The following JAKMIP1 variants were observed in gnomAD, a reference collection of about 807,000 sequenced individuals.
The protein encoded by JAKMIP1 is janus kinase and microtubule interacting protein 1.
In JAKMIP1, 33 loss-of-function variants were observed where a neutral mutation model predicts 113.0. The ratio of observed to expected loss-of-function variants is 0.29; its 90% CI spans 0.22 to 0.39. The LOEUF is 0.39. JAKMIP1 is among the 10% of genes least tolerant of loss of function. The pLI, the probability that JAKMIP1 is intolerant of heterozygous loss-of-function variation, is 1.00. For missense variants in JAKMIP1, 813 were observed against 1,080.5 expected (o/e 0.75, Z 3.47); for synonymous variants, 480 against 459.9 (o/e 1.04, Z -0.56).
At chr4:6,036,142 C>A in intron 18 of JAKMIP1, 35 bp from the exon 19 acceptor site, 2 of 1,479,914 alleles carry the variant, frequency 1.4e-6, no homozygotes. Flanking sequence ...AGAGGAAGGT[C>A]ACAAGGAGGT....
At chr4:6,148,755 G>A (rs1170202817) in intron 1 of JAKMIP1, among the ~76,000 whole-genome samples, 3 of 152,228 alleles carry the variant, frequency 2.0e-5, no homozygotes, top group Non-Finnish European at 4.4e-5. Context: ...CATCACACCC[G>A]AGGCTGCAAG....
At chr4:6,098,036 G>A (rs570637791) in intron 3 of JAKMIP1, among the ~76,000 whole-genome samples, 2 of 152,318 alleles carry the variant, frequency 1.3e-5, no homozygotes, top group East Asian at 1.9e-4. Context: ...TTTGGAGTTC[G>A]AGAACATGGT....
In JAKMIP1 at chr4:6,188,682, T is replaced by A. The variant is rs1726901409; in HGVS notation, c.-148+11571A>T. Among the ~76,000 whole-genome samples the A allele has an allele frequency of 1.3e-5, 2 of 152,210 alleles. No individual in the cohort carries two copies. Among genetic ancestry groups the A allele is most frequent in the African/African-American group, 2.4e-5 (1 of 41,456 alleles). On this transcript the variant is annotated intron_variant, in intron 1 of 20. Transcript: ENST00000409021. The surrounding 1 kb of genome is among the most constrained non-coding windows in gnomAD (Gnocchi z 5.8). ...GCACCTGCATCCCTCCCCCATCTTCTGGCTAGAGCACCCCAATTTTTAATA... is the reference window on the plus strand; with the variant it reads ...GCACCTGCATCCCTCCCCCATCTTCAGGCTAGAGCACCCCAATTTTTAATA...
intron 1 of JAKMIP1, among the ~76,000 whole-genome samples, chr4:6,125,645 A>C (rs1451053131): frequency 6.8e-6 from 1 of 146,446 alleles, no homozygotes; most frequent in Non-Finnish European, 1.5e-5. Context: ...CACACCATAC[A>C]CACCATGCAG....
At position 6,140,425 on chromosome 4, in the gene JAKMIP1, C is replaced by T. The variant is rs1029270420; in HGVS notation, c.-147-27428G>A. 6.6e-6 allele frequency among the ~76,000 whole-genome samples: 1 copy of T among 152,018 alleles called. No homozygotes were observed. The highest frequency in any genetic ancestry group is 2.4e-5 in the African/African-American group (1 of 41,328). On this transcript the variant is annotated intron_variant, in intron 1 of 20. Coordinates refer to ENST00000409021, the MANE Select transcript of JAKMIP1 (RefSeq NM_001099433.2). The surrounding 1 kb of genome is among the most constrained non-coding windows in gnomAD (Gnocchi z 9.4). The stretch of plus-strand genomic sequence containing the variant: ...TTCCCCCAAAAGGCCCACCACAGAC[C>T]CACCCCAGGAGTGTGTGCTCAGGTC...
intron 11 of JAKMIP1, among the ~76,000 whole-genome samples, chr4:6,056,997 A>G (rs1716563833): frequency 6.6e-6 from 1 of 152,118 alleles, no homozygotes; most frequent in Admixed American, 6.5e-5. Flanking sequence ...CAATGACTCC[A>G]TTCTGTCCGT....
chr4:6,066,351 G>A (rs771035170), intron 8 of JAKMIP1, among the ~76,000 whole-genome samples: 1 of 152,144 alleles, frequency 6.6e-6, no homozygotes, highest in Non-Finnish European at 1.5e-5. Flanking sequence ...TTCTGAAGGT[G>A]CTGCAAGGGA....
chr4:6,169,779 A>C (rs1249093270), intron 1 of JAKMIP1, among the ~76,000 whole-genome samples: 2 of 151,946 alleles, frequency 1.3e-5, no homozygotes, highest in Non-Finnish European at 2.9e-5. Flanking sequence ...CTTGTGCCTC[A>C]GATGCCCCAC....
chr4:6,131,379 A>G (rs977364338), intron 1 of JAKMIP1, among the ~76,000 whole-genome samples: 1 of 151,664 alleles, frequency 6.6e-6, no homozygotes, highest in Non-Finnish European at 1.5e-5. Context: ...AAAAAAAAAA[A>G]AACAAAACCC....
Position 6,137,736 on chromosome 4 carries a change from T to C in JAKMIP1, c.-147-24739A>G, listed in dbSNP as rs1479201383. On this transcript the variant is annotated intron_variant, in intron 1 of 20. Coordinates refer to ENST00000409021, the MANE Select transcript of JAKMIP1 (RefSeq NM_001099433.2). The surrounding 1 kb of genome is among the most constrained non-coding windows in gnomAD (Gnocchi z 4.5). ...TCTGCACATCACTTAGGTTCCATCA[T>C]TCATTCAATTCATCAGTCCTTCAAT... is the stretch of plus-strand genomic sequence containing the variant. Among the ~76,000 whole-genome samples the C allele has an allele frequency of 1.3e-5, 2 of 152,246 alleles. No individual in the cohort carries two copies. The highest frequency in any genetic ancestry group is 6.5e-5 in the Admixed American group (1 of 15,288).
At chr4:6,045,506 C>T (rs1714870336) in intron 16 of JAKMIP1, among the ~76,000 whole-genome samples, 2 of 152,326 alleles carry the variant, frequency 1.3e-5, no homozygotes, top group Non-Finnish European at 1.5e-5. Context: ...GGGCAAGATG[C>T]TGTTTGTAGC....
rs996367071 is a variant in JAKMIP1, at chr4:6,031,043, G to A, written c.2380-1262C>T. On this transcript the variant is annotated intron_variant, in intron 19 of 20. Coordinates refer to ENST00000409021, the MANE Select transcript of JAKMIP1 (RefSeq NM_001099433.2). This position sits in a 1 kb window ranked among gnomAD's most constrained non-coding sequence, Gnocchi z 4.4. ...GGCCTGTTCCAGTCCTGGAGAGAAAGACAAAGTCCCTCCCCTTATAGTTCA... is the reference window on the plus strand; with the variant it reads ...GGCCTGTTCCAGTCCTGGAGAGAAAAACAAAGTCCCTCCCCTTATAGTTCA... Among the ~76,000 whole-genome samples the A allele has an allele frequency of 6.6e-6, 1 of 152,198 alleles. No individual in the cohort carries two copies. The highest frequency in any genetic ancestry group is 2.4e-5 in the African/African-American group (1 of 41,440).
chr4:6,084,554 T>C (rs1721014977), intron 5 of JAKMIP1, among the ~76,000 whole-genome samples: 1 of 152,112 alleles, frequency 6.6e-6, no homozygotes, highest in African/African-American at 2.4e-5. Context: ...TAATTGTTGA[T>C]TTTTTTCGGT....
chr4:6,149,092 C>A (rs2108978818), intron 1 of JAKMIP1, among the ~76,000 whole-genome samples: 2 of 152,334 alleles, frequency 1.3e-5, no homozygotes, highest in Non-Finnish European at 2.9e-5. Flanking sequence ...CGGGTTTGCA[C>A]TGACTTCGGC....
At chr4:6,104,515 T>C (rs1290158999) in intron 3 of JAKMIP1, among the ~76,000 whole-genome samples, 1 of 152,224 alleles carries the variant, frequency 6.6e-6, no homozygotes, top group East Asian at 1.9e-4. Flanking sequence ...GCTTGCACAG[T>C]GTATCTTTCC....
chr4:6,030,892 C>T (rs1712557095), intron 19 of JAKMIP1, among the ~76,000 whole-genome samples: 1 of 152,166 alleles, frequency 6.6e-6, no homozygotes, highest in Admixed American at 6.5e-5. Context: ...GGGGTGGGAC[C>T]TGAGTGAAAG....
At chr4:6,079,088 C>T (rs1720117646) in intron 7 of JAKMIP1, 90 bp from the exon 8 acceptor site, 2 of 1,366,212 alleles carry the variant, frequency 1.5e-6, no homozygotes, top group Non-Finnish European at 2.1e-6. Context: ...TGGGCCTGCC[C>T]ATCCGCACCA....
rs1348224550 is a variant in JAKMIP1 at position 6,139,879 on chromosome 4, T to G, written c.-147-26882A>C. Among the ~76,000 whole-genome samples the G allele has an allele frequency of 6.6e-6, 1 of 151,886 alleles. No individual in the cohort carries two copies. Among genetic ancestry groups the G allele is most frequent in the Non-Finnish European group, 1.5e-5 (1 of 67,968 alleles). ...ACGAAGGAGGAGGTCACGGGGCAGA[T>G]TCCACGAGCCAAGGAATACCAAGGA... On this transcript the variant is annotated intron_variant, in intron 1 of 20. Transcript: ENST00000409021. This position sits in a 1 kb window ranked among gnomAD's most constrained non-coding sequence, Gnocchi z 5.2.
In JAKMIP1 at chr4:6,197,884, C is replaced by T. The variant is rs774335045; in HGVS notation, c.-148+2369G>A. Among the ~76,000 whole-genome samples the T allele has an allele frequency of 1.3e-5, 2 of 152,226 alleles. No homozygotes were observed. Among genetic ancestry groups the T allele is most frequent in the African/African-American group, 2.4e-5 (1 of 41,458 alleles). On this transcript the variant is annotated intron_variant, in intron 1 of 20. Transcript: ENST00000409021. The surrounding 1 kb of genome is among the most constrained non-coding windows in gnomAD (Gnocchi z 6.5). Reference sequence around the variant, plus strand: ...AAGCATTAGAAATTGTTCCCTCTGCCACTTGTCCCACAGCCCAATCCACCC... The same window carrying T: ...AAGCATTAGAAATTGTTCCCTCTGCTACTTGTCCCACAGCCCAATCCACCC...
Sources: allele counts gnomAD v4.1 joint callset (sites outside exome capture counted in the v4.1 genomes callset), GRCh38; gene constraint gnomAD v4.1.1; non-coding constraint Gnocchi (gnomAD v3.1); transcripts MANE v1.5; gene names NCBI Gene and HGNC (gene_info 2026-07-23, HGNC 2026-07-21).